The following CCDC148 variants were observed in gnomAD, a reference collection of about 807,000 sequenced individuals.
CCDC148 encodes coiled-coil domain-containing protein 148.
A neutral mutation model predicts 85.7 loss-of-function variants in CCDC148; 89 were observed. That is an observed-to-expected ratio of 1.04 (90% CI 0.87 to 1.24). The LOEUF (loss-of-function observed/expected upper bound fraction) is 1.24. Among genes scored for constraint, CCDC148 ranks in the 50% most tolerant of loss-of-function variants. CCDC148 has a pLI of 0.00. For missense variants in CCDC148, 692 were observed against 671.7 expected (o/e 1.03, Z -0.33); for synonymous variants, 230 against 213.9 (o/e 1.08, Z -0.66).
At chr2:158,387,442 T>A (rs1390367256) in intron 1 of CCDC148, among the ~76,000 whole-genome samples, 1 of 152,160 alleles carries the variant, frequency 6.6e-6, no homozygotes, top group Non-Finnish European at 1.5e-5. Flanking sequence ...TAACTTTTTA[T>A]CTTTTATTTG....
In CCDC148 at chr2:158,387,922, T is replaced by G. The variant is rs376564892; in HGVS notation, c.26-29352A>C. 8.5e-5 allele frequency among the ~76,000 whole-genome samples: 13 copies of G among 152,260 alleles called. 2 individuals carry two copies. The highest frequency in any genetic ancestry group is 6.5e-4 in the Admixed American group (10 of 15,280). ...TAAACAAATGCCCTCCTTTCCCCTTTTTGGGCTCCAACACCATAGTTTGGG... is the reference window on the plus strand; with the variant it reads ...TAAACAAATGCCCTCCTTTCCCCTTGTTGGGCTCCAACACCATAGTTTGGG... On this transcript the variant is annotated intron_variant, in intron 1 of 13. Transcript: ENST00000283233.
intron 11 of CCDC148, among the ~76,000 whole-genome samples, chr2:158,218,183 A>T (rs575512904): frequency 6.6e-6 from 1 of 152,362 alleles, no homozygotes; most frequent in South Asian, 2.1e-4. Context: ...CTGAATCTAC[A>T]GCATTTTAAC....
At chr2:158,434,718 A>T (rs911200416) in intron 1 of CCDC148, among the ~76,000 whole-genome samples, 2 of 152,166 alleles carry the variant, frequency 1.3e-5, no homozygotes, top group Non-Finnish European at 2.9e-5. Flanking sequence ...CAAAGAAGCT[A>T]AAAACCTTGA....
chr2:158,377,975 C>G (rs1285277815), intron 1 of CCDC148, among the ~76,000 whole-genome samples: 1 of 152,036 alleles, frequency 6.6e-6, no homozygotes. Context: ...AATAACCCTA[C>G]AATGTCCTGT....
At chr2:158,449,012 G>C (rs960547084) in intron 1 of CCDC148, among the ~76,000 whole-genome samples, 15 of 152,040 alleles carry the variant, frequency 9.9e-5, no homozygotes, top group African/African-American at 3.4e-4. Context: ...ATTTTTAGTA[G>C]AGACAGCATT....
At chr2:158,421,366 A>C (rs1442757682) in intron 1 of CCDC148, among the ~76,000 whole-genome samples, 1 of 152,210 alleles carries the variant, frequency 6.6e-6, no homozygotes, top group Non-Finnish European at 1.5e-5. Context: ...AATGTCAAAG[A>C]ATAGAAATTA....
rs1203320011 is a variant in CCDC148 at position 158,357,370 on chromosome 2, G to C, written c.147+1079C>G. ...GTAGGCACATAATAAATATTTATGG[G>C]CTTGAACAATTAAATATTTAAAAGA... On this transcript the variant is annotated intron_variant, in intron 2 of 13. Coordinates refer to ENST00000283233, the MANE Select transcript of CCDC148 (RefSeq NM_138803.4). 4.6e-5 allele frequency among the ~76,000 whole-genome samples: 7 copies of C among 151,962 alleles called. No individual in the cohort carries two copies. The East Asian group carries it at 1.3e-3, about 29-fold the overall frequency.
At chr2:158,211,283 AGAG>A (rs1299850466) in intron 11 of CCDC148, among the ~76,000 whole-genome samples, 2 of 152,214 alleles carry the variant, frequency 1.3e-5, no homozygotes, top group Non-Finnish European at 2.9e-5. Context: ...GTGTTACTGA[AGAG>A]GAGAATTTGA....
At chr2:158,299,304 C>T (rs1691338731) in intron 9 of CCDC148, among the ~76,000 whole-genome samples, 1 of 152,182 alleles carries the variant, frequency 6.6e-6, no homozygotes, top group African/African-American at 2.4e-5. Flanking sequence ...AGCATCTCAT[C>T]CTGCACATTC....
At chr2:158,440,024 ATT>A (rs535949500) in intron 1 of CCDC148, among the ~76,000 whole-genome samples, 2 of 146,042 alleles carry the variant, frequency 1.4e-5, no homozygotes. Context: ...ACACCCAGAT[ATT>A]TTTTTTTTTT....
intron 11 of CCDC148, among the ~76,000 whole-genome samples, chr2:158,209,742 C>A (rs1686453595): frequency 2.0e-5 from 3 of 152,156 alleles, no homozygotes; most frequent in Admixed American, 2.0e-4. Context: ...GAAATAAAAT[C>A]CTTTACAGAC....
chr2:158,428,014 G>T (rs76251234), intron 1 of CCDC148, among the ~76,000 whole-genome samples: 26,868 of 152,086 alleles, frequency 0.18, 3,108 homozygotes, highest in Middle Eastern at 0.26. Flanking sequence ...CTTTATTTAG[G>T]ATTAGAGTCT....
intron 12 of CCDC148, among the ~76,000 whole-genome samples, chr2:158,176,975 G>A (rs1353040156): frequency 6.6e-6 from 1 of 151,912 alleles, no homozygotes; most frequent in Non-Finnish European, 1.5e-5. Flanking sequence ...ATCTCATATA[G>A]AAAACCTTAC....
intron 1 of CCDC148, among the ~76,000 whole-genome samples, chr2:158,429,051 C>T (rs1574805009): frequency 3.3e-5 from 5 of 151,068 alleles, no homozygotes; most frequent in East Asian, 3.9e-4. Context: ...AAACCAAACA[C>T]AGCATGTTCT....
At chr2:158,376,001 T>A (rs1684634806) in intron 1 of CCDC148, among the ~76,000 whole-genome samples, 1 of 152,100 alleles carries the variant, frequency 6.6e-6, no homozygotes, top group Non-Finnish European at 1.5e-5. Flanking sequence ...GTTCTGTAAC[T>A]TTCAGCCAAA....
intron 11 of CCDC148, among the ~76,000 whole-genome samples, chr2:158,191,460 T>C (rs922194932): frequency 1.3e-5 from 2 of 152,018 alleles, no homozygotes; most frequent in Non-Finnish European, 2.9e-5. Context: ...AGAAAGTCAG[T>C]GGAGCAGAAC....
chr2:158,204,966 C>A (rs1314267669), intron 11 of CCDC148, among the ~76,000 whole-genome samples: 2 of 152,174 alleles, frequency 1.3e-5, no homozygotes, highest in Admixed American at 6.6e-5. Flanking sequence ...AGGGGCAGGA[C>A]TCCAGTGAGA....
intron 10 of CCDC148, among the ~76,000 whole-genome samples, chr2:158,222,516 A>G (rs1687243475): frequency 6.6e-6 from 1 of 151,418 alleles, no homozygotes; most frequent in Admixed American, 6.6e-5. Flanking sequence ...TTCCACTGAG[A>G]CCTCTGGAAC....
At chr2:158,227,548 T>C in intron 10 of CCDC148, among the ~76,000 whole-genome samples, 1 of 152,164 alleles carries the variant, frequency 6.6e-6, no homozygotes, top group East Asian at 1.9e-4. Context: ...GCTACCTGAC[T>C]TCAAACTATA....
Sources: gnomAD v4.1 joint callset for allele counts (sites outside exome capture counted in the v4.1 genomes callset) on GRCh38, gnomAD v4.1.1 for gene constraint, MANE v1.5 for transcripts, NCBI Gene and HGNC (gene_info 2026-07-23, HGNC 2026-07-21) for gene names.